Variants in GREB1L observed in about 807,000 individuals in gnomAD.
GREB1L encodes the protein GREB1 like retinoic acid receptor coactivator, also known as GREB1-like protein.
In GREB1L, 17 loss-of-function variants were observed where a neutral mutation model predicts 200.8. That is an observed-to-expected ratio of 0.08 (90% CI 0.06 to 0.13). The LOEUF is 0.13. Among genes scored for constraint, GREB1L ranks in the 10% least tolerant of loss-of-function variants. The probability of loss-of-function intolerance (pLI) is 1.00; values close to 1 mark genes in which losing one functional copy is unlikely to be tolerated. For missense variants in GREB1L, 1,657 were observed against 2,367.7 expected (o/e 0.70, Z 6.23); for synonymous variants, 789 against 893.0 (o/e 0.88, Z 2.08).
At chr18:21,462,064 G>T (rs778694335) in intron 15 of GREB1L, among the ~76,000 whole-genome samples, 1 of 152,188 alleles carries the variant, frequency 6.6e-6, no homozygotes, top group Non-Finnish European at 1.5e-5. Context: ...ATGTCAGGAA[G>T]GAAGAAGAGT....
intron 23 of GREB1L, among the ~76,000 whole-genome samples, chr18:21,504,188 T>C (rs934539562): frequency 6.6e-6 from 1 of 152,192 alleles, no homozygotes; most frequent in African/African-American, 2.4e-5. Context: ...CCTCCCAAAA[T>C]GCTGAGATTA....
intron 1 of GREB1L, among the ~76,000 whole-genome samples, chr18:21,270,751 T>C (rs760391751): frequency 2.6e-5 from 4 of 152,254 alleles, no homozygotes; most frequent in Non-Finnish European, 5.9e-5. Flanking sequence ...CTTACACGCA[T>C]AGTCAGCAAG....
intron 1 of GREB1L, among the ~76,000 whole-genome samples, chr18:21,277,223 C>T (rs545668528): frequency 1.6e-4 from 25 of 152,266 alleles, no homozygotes; most frequent in African/African-American, 5.1e-4. Context: ...CCACCGTGCC[C>T]GGCCCAGCCC....
intron 1 of GREB1L, among the ~76,000 whole-genome samples, chr18:21,307,604 A>T (rs1415050375): frequency 6.6e-6 from 1 of 152,078 alleles, no homozygotes; most frequent in East Asian, 1.9e-4. Context: ...TGTGTTGAAG[A>T]TATCTTCCTT....
chr18:21,520,963 G>A (rs1394384875), intron 32 of GREB1L, 140 bp downstream of exon 32: 22 of 629,652 alleles, frequency 3.5e-5, no homozygotes, highest in South Asian at 1.2e-4. Flanking sequence ...TTGGGAGGCC[G>A]AGGCGGGTGG....
chr18:21,367,667 T>C (rs2039726761), intron 2 of GREB1L, among the ~76,000 whole-genome samples: 1 of 152,252 alleles, frequency 6.6e-6, no homozygotes, highest in African/African-American at 2.4e-5. Context: ...GTGTCATGTT[T>C]CTGGAATACA....
intron 1 of GREB1L, chr18:21,317,031 G>T (rs2038880520): frequency 6.6e-6 from 1 of 152,090 alleles, no homozygotes; most frequent in Admixed American, 6.6e-5. Context: ...CCAAAGTGCT[G>T]GGATTACAGG....
chr18:21,450,777 T>A, intron 12 of GREB1L: 1 of 347,436 alleles, frequency 2.9e-6, no homozygotes, highest in Non-Finnish European at 5.2e-6. Context: ...TATTTTCAGT[T>A]ACATAAGGTA....
chr18:21,320,580 A>G (rs1333444743), intron 1 of GREB1L, among the ~76,000 whole-genome samples: 2 of 151,978 alleles, frequency 1.3e-5, no homozygotes, highest in Non-Finnish European at 2.9e-5. Flanking sequence ...TGGCTAATAC[A>G]GTGAAACCCC....
At chr18:21,463,294 C>T (rs534605506) in intron 15 of GREB1L, among the ~76,000 whole-genome samples, 34 of 151,158 alleles carry the variant, frequency 2.2e-4, no homozygotes, top group Non-Finnish European at 3.7e-4. Flanking sequence ...CACAAGCGCC[C>T]GCCACCGCGC....
chr18:21,346,869 T>C (rs1355839701), intron 1 of GREB1L, among the ~76,000 whole-genome samples: 2 of 152,156 alleles, frequency 1.3e-5, no homozygotes, highest in African/African-American at 4.8e-5. Context: ...AGTCATCAAC[T>C]CTTCCTTTTC....
intron 12 of GREB1L, among the ~76,000 whole-genome samples, chr18:21,450,181 A>G (rs1241258228): frequency 6.6e-6 from 1 of 152,236 alleles, no homozygotes; most frequent in Non-Finnish European, 1.5e-5. Context: ...GGCCTAAGCC[A>G]GTTAATCGAA....
chr18:21,298,644 C>T (rs2038567950), intron 1 of GREB1L, among the ~76,000 whole-genome samples: 1 of 152,052 alleles, frequency 6.6e-6, no homozygotes, highest in Admixed American at 6.6e-5. Flanking sequence ...AATACTTTGC[C>T]ATATACATTT....
At chr18:21,245,433 C>A (rs1215046790) in intron 1 of GREB1L, among the ~76,000 whole-genome samples, 1 of 152,100 alleles carries the variant, frequency 6.6e-6, no homozygotes, top group East Asian at 1.9e-4. Flanking sequence ...AAAGAAAATT[C>A]AATACCAGTA....
chr18:21,384,433 A>C (rs776476336), intron 4 of GREB1L, 30 bp downstream of exon 4: 5 of 1,496,342 alleles, frequency 3.3e-6, no homozygotes, highest in Non-Finnish European at 4.5e-6. Flanking sequence ...TCTTTTTGCT[A>C]TTTTGTCTCT....
At position 21,261,647 on chromosome 18, in the gene GREB1L, C is replaced by T. The variant is rs77766596; in HGVS notation, c.-120+19254C>T. On this transcript the variant is annotated intron_variant, in intron 1 of 32. Coordinates refer to ENST00000424526, the MANE Select transcript of GREB1L (RefSeq NM_001142966.3). ...TTTCTATATGTAAATTTTGGAAAAG[C>T]GACACTGTAGCATGCCAATAAAATT... Among the ~76,000 whole-genome samples, 1,170 of 152,054 alleles carry T rather than the reference C, an allele frequency of 7.7e-3. 16 individuals are homozygous for T. The highest frequency in any genetic ancestry group is 0.026 in the African/African-American group (1,098 of 41,522).
intron 1 of GREB1L, among the ~76,000 whole-genome samples, chr18:21,278,011 A>G (rs1338472486): frequency 1.3e-5 from 2 of 152,172 alleles, no homozygotes; most frequent in Non-Finnish European, 2.9e-5. Context: ...AGGCCTGTCG[A>G]AATGGGTATA....
Position 21,520,829 on chromosome 18 carries a change from T to C in GREB1L, c.5608+6T>C. ...GAAATTTAAATTTCTAAAAGGTAAG[T>C]CAAATTTAGTATCTTGCTTGTAATT... is the stretch of plus-strand genomic sequence containing the variant. On this transcript the variant is annotated splice_donor_region_variant and intron_variant, in intron 32 of 32. Transcript: ENST00000424526. 6.5e-7 allele frequency: 1 copy of C among 1,526,908 alleles called. No individual in the cohort carries two copies. The highest frequency in any genetic ancestry group is 8.8e-7 in the Non-Finnish European group (1 of 1,132,506). 94.6% of individuals were successfully genotyped at this position (1,526,908 alleles called of 1,614,324 possible).
At chr18:21,476,002 CAA>C (rs2035685811) in intron 16 of GREB1L, among the ~76,000 whole-genome samples, 1 of 116,590 alleles carries the variant, frequency 8.6e-6, no homozygotes, top group African/African-American at 3.1e-5. Context: ...AAAAAAGAGT[CAA>C]ATATGGATCC....
Sources: allele counts gnomAD v4.1 joint callset (sites outside exome capture counted in the v4.1 genomes callset), GRCh38; gene constraint gnomAD v4.1.1; transcripts MANE v1.5; gene names NCBI Gene and HGNC (gene_info 2026-07-23, HGNC 2026-07-21).